The following ADSL variants were observed in gnomAD, a reference collection of about 807,000 sequenced individuals.
ADSL encodes adenylosuccinase.
ADSL carries 44 observed loss-of-function variants against 62.1 expected under a neutral mutation model. The ratio of observed to expected loss-of-function variants is 0.71; its 90% CI spans 0.56 to 0.91. The LOEUF (loss-of-function observed/expected upper bound fraction) is 0.91. Among genes scored for constraint, ADSL ranks in the 40% least tolerant of loss-of-function variants. The pLI is 0.00. For missense variants in ADSL, 531 were observed against 627.4 expected (o/e 0.85, Z 1.64); for synonymous variants, 198 against 220.5 (o/e 0.90, Z 0.90).
At chr22:40,358,760 G>A (rs887236054) in intron 4 of ADSL, 104 bp from the exon 5 acceptor site, 1 of 1,057,268 alleles carries the variant, frequency 9.5e-7, no homozygotes, top group East Asian at 2.4e-5. Context: ...TACTTAAATT[G>A]TTCTCCCTCC....
At chr22:40,382,626 G>T (rs1034026514) in intron 2 of ADSL, among the ~76,000 whole-genome samples, 1 of 152,154 alleles carries the variant, frequency 6.6e-6, no homozygotes, top group Non-Finnish European at 1.5e-5. Context: ...ATATTCTCTT[G>T]GTTAAGGGAG....
Position 40,346,539 on chromosome 22 carries a change from G to A in ADSL, c.-20G>A. 1.9e-6 allele frequency: 3 copies of A among 1,597,504 alleles called. No individual in the cohort carries two copies. The highest frequency in any genetic ancestry group is 1.7e-6 in the Non-Finnish European group (2 of 1,174,800). On this transcript the variant is annotated 5_prime_UTR_variant, in exon 1 of 13. Transcript: ENST00000623063. Reference sequence around the variant, plus strand: ...GCTCTTCCCTGGTCCAGTCCACCCTGGCGGGGTCGCAGGGTTGGGATGGCG... The same window carrying A: ...GCTCTTCCCTGGTCCAGTCCACCCTAGCGGGGTCGCAGGGTTGGGATGGCG...
intron 2 of ADSL, among the ~76,000 whole-genome samples, chr22:40,384,459 TAAAC>T (rs1029210842): frequency 2.6e-5 from 4 of 151,836 alleles, no homozygotes; most frequent in African/African-American, 4.8e-5. Flanking sequence ...CTCCAATAAA[TAAAC>T]AAAAATTAAA....
At chr22:40,373,409 C>T (rs1257190265), downstream of ADSL, 2 of 152,172 alleles carry the variant, frequency 1.3e-5, no homozygotes, top group Non-Finnish European at 2.9e-5. Flanking sequence ...TCATTGCAGT[C>T]TGACTTCTAC....
In ADSL at chr22:40,361,266, C is replaced by G. The variant is rs1260124022; in HGVS notation, c.793-7C>G. On this transcript the variant is annotated splice_region_variant and splice_polypyrimidine_tract_variant and intron_variant, in intron 7 of 12. Coordinates refer to ENST00000623063, the MANE Select transcript of ADSL (RefSeq NM_000026.4). ...TGGGGTGATGCTTATTCCCCTACCTCCCCCAGATTTGCACCGACATACGCC... is the reference window on the plus strand; with the variant it reads ...TGGGGTGATGCTTATTCCCCTACCTGCCCCAGATTTGCACCGACATACGCC... 1.9e-6 allele frequency: 3 copies of G among 1,613,890 alleles called. No homozygotes were observed. The highest frequency in any genetic ancestry group is 1.7e-6 in the Non-Finnish European group (2 of 1,179,806).
intron 12 of ADSL, among the ~76,000 whole-genome samples, chr22:40,365,752 T>C (rs1029382625): frequency 6.6e-6 from 1 of 151,912 alleles, no homozygotes; most frequent in Admixed American, 6.6e-5. Context: ...GCGCCTGTAG[T>C]CTCTGCTACT....
At chr22:40,386,046 GTT>G (rs2048385845) in intron 2 of ADSL, among the ~76,000 whole-genome samples, 2 of 147,974 alleles carry the variant, frequency 1.4e-5, no homozygotes, top group Non-Finnish European at 3.0e-5. Context: ...TGTTTTTTTT[GTT>G]TTTCTATTTT....
rs1489933265 is a variant in ADSL, at chr22:40,367,685, G to A, written c.*1163G>A. On this transcript the variant is annotated 3_prime_UTR_variant, in exon 13 of 13. Transcript: ENST00000623063. Reference sequence around the variant, plus strand: ...GCCAGGAGAGCACTAGTGTTATTTAGCCCATTCTCATCCTACATATTTTTC... The same window carrying A: ...GCCAGGAGAGCACTAGTGTTATTTAACCCATTCTCATCCTACATATTTTTC... 1 of 166,588 alleles carries A rather than the reference G, an allele frequency of 6.0e-6. No homozygotes were observed. The highest frequency in any genetic ancestry group is 1.5e-5 in the Non-Finnish European group (1 of 68,124). 10.3% of individuals were successfully genotyped at this position (166,588 alleles called of 1,614,324 possible).
rs1300622081 is a variant in ADSL at position 40,346,642 on chromosome 22, C to T, written c.84C>T (p.Phe28=). Residue 28 remains phenylalanine (F), a synonymous_variant, in exon 1 of 13, where the codon TTC becomes TTT. Transcript: ENST00000623063. ...GCTATGCCAGCCCGGAGATGTGCTTCGTGTTTAGCGACAGGTATAAATTCC... is the reference window on the plus strand; with the variant it reads ...GCTATGCCAGCCCGGAGATGTGCTTTGTGTTTAGCGACAGGTATAAATTCC... ...ASRYASPEMC[F]VFSDRYKFRT... 6.2e-7 allele frequency: 1 copy of T among 1,612,626 alleles called. No homozygotes were observed. The highest frequency in any genetic ancestry group is 8.5e-7 in the Non-Finnish European group (1 of 1,179,590).
At chr22:40,372,700 T>G (rs1372476931), downstream of ADSL, 3 of 152,220 alleles carry the variant, frequency 2.0e-5, no homozygotes, top group African/African-American at 7.2e-5. Context: ...TCATCTCTTT[T>G]ATTTTACAGC....
intron 11 of ADSL, 48 bp from the exon 12 acceptor site, chr22:40,364,832 C>T: frequency 6.3e-7 from 1 of 1,598,238 alleles, no homozygotes; most frequent in Non-Finnish European, 8.6e-7. Flanking sequence ...TAAAAGTGTT[C>T]AAACGCCCTG....
intron 2 of ADSL, among the ~76,000 whole-genome samples, chr22:40,382,713 A>G (rs1210315519): frequency 6.6e-6 from 1 of 152,252 alleles, no homozygotes; most frequent in Non-Finnish European, 1.5e-5. Context: ...GTTTCGTCAC[A>G]TTTGAAGAAG....
At chr22:40,371,504 C>G (rs1463487612), downstream of ADSL, among the ~76,000 whole-genome samples, 1 of 152,122 alleles carries the variant, frequency 6.6e-6, no homozygotes, top group Non-Finnish European at 1.5e-5. Context: ...TTCACAAAAA[C>G]TCATTTTCAA....
downstream of ADSL, chr22:40,370,562 A>G (rs1411823374): frequency 1.3e-5 from 2 of 152,372 alleles, no homozygotes; most frequent in African/African-American, 2.4e-5. Context: ...AGCCCCCAGC[A>G]TGACCCGCGG....
intron 12 of ADSL, among the ~76,000 whole-genome samples, 188 bp from the exon 13 acceptor site, chr22:40,366,248 G>A (rs1342253599): frequency 1.3e-5 from 2 of 152,198 alleles, no homozygotes; most frequent in African/African-American, 2.4e-5. Flanking sequence ...GTGAGCATGT[G>A]GGCATGGTGG....
chr22:40,372,522 T>G (rs1004947510), downstream of ADSL: 2 of 152,130 alleles, frequency 1.3e-5, no homozygotes, highest in Non-Finnish European at 2.9e-5. Flanking sequence ...ACATAACCCA[T>G]GACCAGAACA....
chr22:40,383,630 A>G (rs145246336), intron 2 of ADSL, among the ~76,000 whole-genome samples: 9 of 152,282 alleles, frequency 5.9e-5, no homozygotes, highest in African/African-American at 2.2e-4. Flanking sequence ...CAATATAAAT[A>G]AAGGCACAGA....
At chr22:40,353,263 G>T in intron 3 of ADSL, 146 bp downstream of exon 3, 1 of 726,290 alleles carries the variant, frequency 1.4e-6, no homozygotes, top group South Asian at 1.5e-5. Context: ...TTAATCTGTA[G>T]AACTAATTGT....
chr22:40,378,457 G>A (rs981670695), intron 2 of ADSL, among the ~76,000 whole-genome samples: 11 of 151,246 alleles, frequency 7.3e-5, no homozygotes, highest in Non-Finnish European at 1.2e-4. Context: ...GGCCGGGCAC[G>A]GTGGCTGATG....
Sources: allele counts gnomAD v4.1 joint callset (sites outside exome capture counted in the v4.1 genomes callset), GRCh38; gene constraint gnomAD v4.1.1; transcripts MANE v1.5; gene names NCBI Gene and HGNC (gene_info 2026-07-23, HGNC 2026-07-21).